Variants in SEL1L observed in about 807,000 individuals in gnomAD.
SEL1L encodes protein sel-1 homolog 1.
Under a neutral mutation model 109.8 loss-of-function variants are expected in SEL1L, and 52 were observed. The ratio of observed to expected loss-of-function variants is 0.47; its 90% CI spans 0.38 to 0.60. SEL1L has a LOEUF of 0.60. Ranked by LOEUF, SEL1L falls within the 20% of genes least tolerant of loss-of-function variation. SEL1L has a pLI of 0.00. For synonymous variants in SEL1L, 373 were observed against 339.6 expected (o/e 1.10, Z -1.08); for missense variants, 749 against 962.2 (o/e 0.78, Z 2.93).
intron 1 of SEL1L, among the ~76,000 whole-genome samples, chr14:81,530,396 A>G (rs1413231541): frequency 6.6e-6 from 1 of 152,208 alleles, no homozygotes; most frequent in African/African-American, 2.4e-5. Flanking sequence ...AATCTGTCAA[A>G]AGGGGTAACA....
chr14:81,498,246 A>G (rs188653781), intron 9 of SEL1L, 167 bp downstream of exon 9: 24 of 820,142 alleles, frequency 2.9e-5, no homozygotes, highest in Admixed American at 2.8e-4. Context: ...AACCTAAAGC[A>G]AAATTATATA....
intron 11 of SEL1L, among the ~76,000 whole-genome samples, chr14:81,494,316 T>A (rs889368041): frequency 7.2e-5 from 11 of 152,206 alleles, no homozygotes; most frequent in African/African-American, 2.7e-4. Context: ...TATCTTCCTT[T>A]ACCGTAGTTC....
intron 4 of SEL1L, among the ~76,000 whole-genome samples, chr14:81,505,833 C>T (rs149807098): frequency 6.6e-6 from 1 of 152,274 alleles, no homozygotes; most frequent in African/African-American, 2.4e-5. Context: ...TTTAACAAAA[C>T]AACCTGTGTA....
intron 6 of SEL1L, 110 bp downstream of exon 6, chr14:81,502,611 T>C: frequency 9.1e-7 from 1 of 1,093,634 alleles, no homozygotes. Context: ...AAAATTGGTA[T>C]TTATCTTCCA....
intron 3 of SEL1L, among the ~76,000 whole-genome samples, chr14:81,519,893 G>A (rs1276817461): frequency 1.3e-5 from 2 of 152,160 alleles, no homozygotes; most frequent in African/African-American, 4.8e-5. Context: ...GAACAGAAAA[G>A]GGTTTTGTAT....
chr14:81,527,806 A>G, intron 1 of SEL1L, 68 bp from the exon 2 acceptor site: 1 of 1,070,938 alleles, frequency 9.3e-7, no homozygotes, highest in Non-Finnish European at 1.4e-6. Flanking sequence ...TTAAAAGAAA[A>G]CATGTGAAAA....
At chr14:81,482,953 T>A (rs1265956518) in intron 19 of SEL1L, among the ~76,000 whole-genome samples, 3 of 152,136 alleles carry the variant, frequency 2.0e-5, no homozygotes, top group Non-Finnish European at 2.9e-5. Context: ...ATAAGAAAAG[T>A]GAAAGGTCCC....
At chr14:81,531,719 G>C (rs2140069407) in intron 1 of SEL1L, among the ~76,000 whole-genome samples, 1 of 152,158 alleles carries the variant, frequency 6.6e-6, no homozygotes, top group East Asian at 1.9e-4. Context: ...CACACCTGGA[G>C]TTACGTAGAG....
intron 3 of SEL1L, among the ~76,000 whole-genome samples, chr14:81,521,955 C>T (rs1232242202): frequency 6.6e-6 from 1 of 152,006 alleles, no homozygotes; most frequent in African/African-American, 2.4e-5. Flanking sequence ...ATGATCCTGA[C>T]CCTGTGTAGG....
At chr14:81,499,976 G>A (rs1168027473) in intron 6 of SEL1L, among the ~76,000 whole-genome samples, 1 of 148,658 alleles carries the variant, frequency 6.7e-6, no homozygotes, top group Non-Finnish European at 1.5e-5. Context: ...CACGATCCTG[G>A]CTCACTGCAA....
At chr14:81,500,484 C>T (rs1477516020) in intron 6 of SEL1L, among the ~76,000 whole-genome samples, 1 of 151,866 alleles carries the variant, frequency 6.6e-6, no homozygotes, top group Non-Finnish European at 1.5e-5. Context: ...GATCTGCCTG[C>T]CTTGGCCTCC....
intron 8 of SEL1L, chr14:81,498,743 T>G (rs896972685): frequency 6.4e-6 from 2 of 312,246 alleles, no homozygotes; most frequent in African/African-American, 4.3e-5. Context: ...TCATAAACTT[T>G]ATTTTTGAAG....
chr14:81,493,259 C>G (rs1044559493), intron 11 of SEL1L, among the ~76,000 whole-genome samples: 1 of 152,148 alleles, frequency 6.6e-6, no homozygotes, highest in Non-Finnish European at 1.5e-5. Context: ...CCTGTAATCC[C>G]TGCACTTTGG....
chr14:81,491,337 A>G (rs1396376601), intron 12 of SEL1L, among the ~76,000 whole-genome samples: 1 of 152,250 alleles, frequency 6.6e-6, no homozygotes, highest in Non-Finnish European at 1.5e-5. Context: ...AAGAGAAAGA[A>G]AAACAGAATG....
intron 3 of SEL1L, among the ~76,000 whole-genome samples, chr14:81,522,019 TA>T (rs919196901): frequency 9.9e-5 from 15 of 151,652 alleles, no homozygotes; most frequent in African/African-American, 3.1e-4. Context: ...TTTAAAAAGT[TA>T]AAAAAAAATT....
At chr14:81,510,387 T>C (rs570078428) in intron 3 of SEL1L, among the ~76,000 whole-genome samples, 1 of 151,954 alleles carries the variant, frequency 6.6e-6, no homozygotes, top group South Asian at 2.1e-4. Context: ...AAGATTTTTG[T>C]TTTTAACAGA....
chr14:81,492,651 A>G lies in SEL1L; in HGVS notation c.1186-103T>C, dbSNP rs1040464223. The G allele has an allele frequency of 5.3e-6, 4 of 750,054 alleles. No individual in the cohort carries two copies. In the African/African-American group the frequency reaches 7.1e-5, roughly 13 times the overall value. 46.5% of individuals were successfully genotyped at this position (750,054 alleles called of 1,614,324 possible). ...AGGAACATTTAAAAAATCTTGTTAT[A>G]TTACAGTGCTTTAAAAACAAGAATA... On this transcript the variant is annotated intron_variant, in intron 11 of 20. Transcript: ENST00000336735.
At chr14:81,496,802 A>G (rs1014803121) in intron 10 of SEL1L, among the ~76,000 whole-genome samples, 55 of 152,226 alleles carry the variant, frequency 3.6e-4, no homozygotes, top group African/African-American at 1.3e-3. Context: ...ATTAATATGG[A>G]CTGTACAAAA....
intron 12 of SEL1L, among the ~76,000 whole-genome samples, chr14:81,491,592 A>G (rs1329681140): frequency 1.3e-5 from 2 of 152,238 alleles, no homozygotes; most frequent in Non-Finnish European, 2.9e-5. Flanking sequence ...AAATTTCCCT[A>G]TTGTAAAAAC....
Sources: allele counts gnomAD v4.1 joint callset (sites outside exome capture counted in the v4.1 genomes callset), GRCh38; gene constraint gnomAD v4.1.1; transcripts MANE v1.5; gene names NCBI Gene and HGNC (gene_info 2026-07-23, HGNC 2026-07-21).